Variants in PEAK1 observed in about 807,000 individuals in gnomAD.
PEAK1 encodes pseudopodium enriched atypical kinase 1.
Under a neutral mutation model 124.7 loss-of-function variants are expected in PEAK1, and 54 were observed. That is an observed-to-expected ratio of 0.43 (90% CI 0.35 to 0.54). PEAK1 has a LOEUF of 0.54. Among genes scored for constraint, PEAK1 ranks in the 20% least tolerant of loss-of-function variants. The pLI is 0.01. For missense variants in PEAK1, 2,046 were observed against 2,134.5 expected (o/e 0.96, Z 0.82); for synonymous variants, 719 against 760.0 (o/e 0.95, Z 0.89).
At chr15:77,367,391 A>G (rs1342211460) in intron 1 of PEAK1, among the ~76,000 whole-genome samples, 1 of 152,220 alleles carries the variant, frequency 6.6e-6, no homozygotes, top group Non-Finnish European at 1.5e-5. Context: ...GAAAGAATTG[A>G]CTGCAAAGGG....
intron 8 of PEAK1, chr15:77,155,211 C>T (rs1194661011): frequency 6.6e-6 from 1 of 152,100 alleles, no homozygotes; most frequent in East Asian, 1.9e-4. Context: ...TCTAAACTTC[C>T]CTTCTCGCCT....
intron 5 of PEAK1, among the ~76,000 whole-genome samples, chr15:77,254,274 T>TAAAA (rs2061021337): frequency 2.0e-5 from 3 of 152,202 alleles, no homozygotes; most frequent in African/African-American, 7.2e-5. Context: ...AAAATTGTTC[T>TAAAA]ATCCCATATT....
chr15:77,119,607 C>G (rs1051662718), intron 9 of PEAK1, among the ~76,000 whole-genome samples: 1 of 152,114 alleles, frequency 6.6e-6, no homozygotes, highest in African/African-American at 2.4e-5. Flanking sequence ...AGAATCATAG[C>G]CAAATTACCC....
rs80282445 is a variant in PEAK1, at chr15:77,233,960, G to A, written c.-115+18407C>T. On this transcript the variant is annotated intron_variant, in intron 6 of 9. Coordinates refer to ENST00000682557, the MANE Select transcript of PEAK1 (RefSeq NM_001385026.1). Reference sequence around the variant, plus strand: ...AGCTCCCTTCTGCTTCAAATTGCTGGGCTCGAGTGATGCTCCCACCTCAGC... The same window carrying A: ...AGCTCCCTTCTGCTTCAAATTGCTGAGCTCGAGTGATGCTCCCACCTCAGC... Among the ~76,000 whole-genome samples, 4 of 152,132 alleles carry A rather than the reference G, an allele frequency of 2.6e-5. No homozygotes were observed. The East Asian group carries it at 7.7e-4, about 29-fold the overall frequency.
chr15:77,404,156 T>C (rs1342909482), intron 1 of PEAK1: 53 of 985,286 alleles, frequency 5.4e-5, no homozygotes, highest in Non-Finnish European at 2.5e-5. Flanking sequence ...TCCATAAATA[T>C]AGAAATACCT....
intron 2 of PEAK1, among the ~76,000 whole-genome samples, chr15:77,322,565 C>T (rs2065291306): frequency 6.6e-6 from 1 of 152,156 alleles, no homozygotes; most frequent in Non-Finnish European, 1.5e-5. Flanking sequence ...TACACCCTCC[C>T]AAGACTAAAC....
At chr15:77,411,309 G>A (rs903121251) in intron 1 of PEAK1, among the ~76,000 whole-genome samples, 3 of 152,116 alleles carry the variant, frequency 2.0e-5, no homozygotes, top group Admixed American at 6.5e-5. Context: ...TTAAAAAGTC[G>A]AGGGCAGCAG....
At chr15:77,418,894 C>T in intron 1 of PEAK1, 4 of 985,394 alleles carry the variant, frequency 4.1e-6, no homozygotes, top group Non-Finnish European at 4.8e-6. Context: ...ATCCTCAAGG[C>T]AATCCCAATT....
In PEAK1 at chr15:77,180,477, T is replaced by C. The variant is rs747891093; in HGVS notation, c.1450A>G (p.Met484Val). Residue 484 changes from methionine (M) to valine (V), a missense_variant, in exon 7 of 10, where the codon ATG becomes GTG. Met to Val is a conservative substitution (Grantham distance 21, BLOSUM62 1). Transcript: ENST00000682557. ...PYTVVDVSAAMASEHLEGPVN... is the reference protein window; with the variant it reads ...PYTVVDVSAAVASEHLEGPVN... ...GGGCCCTCGAGGTGCTCACTGGCCA[T>C]GGCTGCTGACACATCCACGACAGTA... 6.2e-7 allele frequency: 1 copy of C among 1,614,158 alleles called. No individual in the cohort carries two copies. Among genetic ancestry groups the C allele is most frequent in the Non-Finnish European group, 8.5e-7 (1 of 1,180,016 alleles).
exon 7 of PEAK1, chr15:77,101,790 C>T (rs1047135978): frequency 6.6e-6 from 1 of 152,202 alleles, no homozygotes; most frequent in Non-Finnish European, 1.5e-5. Flanking sequence ...TCTGAAATCT[C>T]TATTACCCAC....
chr15:77,367,523 A>C (rs537971925), intron 1 of PEAK1, among the ~76,000 whole-genome samples: 9 of 152,346 alleles, frequency 5.9e-5, no homozygotes, highest in African/African-American at 2.2e-4. Flanking sequence ...AATTTTACTA[A>C]AGTGGATTTT....
chr15:77,309,418 C>G (rs1400428777), intron 2 of PEAK1, among the ~76,000 whole-genome samples: 3 of 151,706 alleles, frequency 2.0e-5, no homozygotes, highest in Non-Finnish European at 4.4e-5. Context: ...ACAGAATGTG[C>G]ATTTTCCAGC....
At chr15:77,399,115 C>G (rs1187843853) in intron 1 of PEAK1, among the ~76,000 whole-genome samples, 1 of 151,956 alleles carries the variant, frequency 6.6e-6, no homozygotes, top group African/African-American at 2.4e-5. Context: ...GAAGAAGACA[C>G]TAAAAAATGG....
At chr15:77,150,313 C>T (rs889907833) in intron 8 of PEAK1, among the ~76,000 whole-genome samples, 3 of 152,098 alleles carry the variant, frequency 2.0e-5, no homozygotes, top group Non-Finnish European at 4.4e-5. Context: ...TAAACTCCTA[C>T]TGGTTCTGTG....
At chr15:77,283,333 A>C (rs552470064) in intron 5 of PEAK1, among the ~76,000 whole-genome samples, 12 of 152,298 alleles carry the variant, frequency 7.9e-5, no homozygotes, top group African/African-American at 2.9e-4. Context: ...ATCTTAAAAA[A>C]CACTTTTTAA....
intron 8 of PEAK1, among the ~76,000 whole-genome samples, chr15:77,139,492 G>A (rs1168186110): frequency 1.3e-5 from 2 of 152,130 alleles, no homozygotes; most frequent in Non-Finnish European, 2.9e-5. Context: ...CCACAAACAC[G>A]TGAGTAATGC....
chr15:77,206,208 T>C (rs926950417), intron 6 of PEAK1, among the ~76,000 whole-genome samples: 3 of 138,390 alleles, frequency 2.2e-5, no homozygotes, highest in Non-Finnish European at 4.7e-5. Context: ...TGCCACATTT[T>C]CTTAATCCAG....
At chr15:77,315,271 G>A (rs1206915738) in intron 2 of PEAK1, among the ~76,000 whole-genome samples, 1 of 151,804 alleles carries the variant, frequency 6.6e-6, no homozygotes, top group Non-Finnish European at 1.5e-5. Flanking sequence ...ATCAATATTG[G>A]GCCTAAAACA....
intron 6 of PEAK1, among the ~76,000 whole-genome samples, chr15:77,194,232 T>G (rs1025038911): frequency 6.6e-6 from 1 of 152,230 alleles, no homozygotes; most frequent in Admixed American, 6.5e-5. Flanking sequence ...TTGACCCATC[T>G]AGCTATAACT....
Sources: allele counts gnomAD v4.1 joint callset (sites outside exome capture counted in the v4.1 genomes callset), GRCh38; gene constraint gnomAD v4.1.1; transcripts MANE v1.5; gene names NCBI Gene and HGNC (gene_info 2026-07-23, HGNC 2026-07-21).